The following PTPN2 variants were observed in gnomAD, a reference collection of about 807,000 sequenced individuals.
The protein encoded by PTPN2 is protein tyrosine phosphatase non-receptor type 2, also known as tyrosine-protein phosphatase non-receptor type 2.
A neutral mutation model predicts 57.3 loss-of-function variants in PTPN2; 19 were observed. The observed-to-expected ratio is 0.33, with a 90% confidence interval of 0.23 to 0.49. PTPN2 has a LOEUF of 0.49. PTPN2 is among the 20% of genes least tolerant of loss of function. The pLI, the probability that PTPN2 is intolerant of heterozygous loss-of-function variation, is 0.99. For missense variants in PTPN2, 358 were observed against 501.1 expected, an observed-to-expected ratio of 0.71 and a Z score of 2.73; for synonymous variants, 153 against 164.9, an observed-to-expected ratio of 0.93 and a Z score of 0.55.
chr18:12,870,315 AT>A lies in PTPN2; in HGVS notation c.70-11062del, dbSNP rs1218387326. ...CATATATATGTGTATATATACATAT[AT>A]ATGTGTATATATATGTATATATATA... On this transcript the variant is annotated intron_variant, in intron 1 of 8. Transcript: ENST00000309660. Among the ~76,000 whole-genome samples, 109 of 65,918 alleles carry A rather than the reference AT, an allele frequency of 1.7e-3. 19 individuals are homozygous for A. Among genetic ancestry groups the A allele is most frequent in the African/African-American group, 9.4e-3 (101 of 10,702 alleles). The allele number at this position is 65,918 out of a possible 152,430, so 43.2% of individuals were successfully genotyped here. A position where few individuals can be genotyped will look rare whatever the true frequency, so the allele number is the denominator to read the frequency against.
rs529211478 is a variant in PTPN2, at chr18:12,825,791, C to T, written c.495+19G>A. The T allele has an allele frequency of 1.7e-5, 27 of 1,590,032 alleles. No homozygotes were observed. Among genetic ancestry groups the T allele is most frequent in the African/African-American group, 1.3e-4 (10 of 74,114 alleles). On this transcript the variant is annotated intron_variant, in intron 5 of 8. Coordinates refer to ENST00000309660, the MANE Select transcript of PTPN2 (RefSeq NM_002828.4). ...AACCATCATATAAAGTCCACAATTTCGGGCAAGAAAGGTCTTACATTGATA... is the reference window on the plus strand; with the variant it reads ...AACCATCATATAAAGTCCACAATTTTGGGCAAGAAAGGTCTTACATTGATA...
At chr18:12,790,823 T>C (rs186704566), downstream of PTPN2, among the ~76,000 whole-genome samples, 6 of 152,376 alleles carry the variant, frequency 3.9e-5, no homozygotes, top group African/African-American at 1.4e-4. Context: ...TCTGCTGACA[T>C]ACCATTAAAA....
chr18:12,828,439 T>C (rs2042552998), intron 4 of PTPN2, among the ~76,000 whole-genome samples: 1 of 152,182 alleles, frequency 6.6e-6, no homozygotes, highest in Admixed American at 6.5e-5. Flanking sequence ...ATATTAAAAA[T>C]TGTAAACCAT....
In PTPN2 at chr18:12,793,092, A is replaced by G. The variant is rs2041032332; in HGVS notation, c.*1186T>C. The stretch of plus-strand genomic sequence containing the variant: ...ATAATGTATGCTATCCATGCCTCCT[A>G]GCAATTAAATTTGTAACAACAATTT... On this transcript the variant is annotated 3_prime_UTR_variant, in exon 9 of 9. Transcript: ENST00000309660. The G allele has an allele frequency of 1.0e-6, 1 of 985,112 alleles. No homozygotes were observed. Among genetic ancestry groups the G allele is most frequent in the Admixed American group, 6.1e-5 (1 of 16,270 alleles). 61.0% of individuals were successfully genotyped at this position (985,112 alleles called of 1,614,324 possible).
chr18:12,869,016 G>A (rs569601230), intron 1 of PTPN2: 1 of 152,358 alleles, frequency 6.6e-6, no homozygotes, highest in Non-Finnish European at 1.5e-5. Flanking sequence ...TGGGCATAGT[G>A]GCACGTACCT....
chr18:12,795,795 G>A (rs75268586), intron 8 of PTPN2, among the ~76,000 whole-genome samples: 1,682 of 152,158 alleles, frequency 0.011, 23 homozygotes, highest in African/African-American at 0.039. Context: ...GCAACATATA[G>A]GTTACTATTT....
chr18:12,809,058 G>C (rs188342407), intron 7 of PTPN2, among the ~76,000 whole-genome samples: 1 of 152,164 alleles, frequency 6.6e-6, no homozygotes, highest in Non-Finnish European at 1.5e-5. Flanking sequence ...TAATTTGGTT[G>C]TGTCTATCAG....
intron 1 of PTPN2, among the ~76,000 whole-genome samples, chr18:12,875,356 C>T (rs1056297809): frequency 4.6e-5 from 7 of 150,676 alleles, no homozygotes; most frequent in African/African-American, 1.5e-4. Flanking sequence ...GTTTAGTTTT[C>T]TTCTACTCAG....
intron 2 of PTPN2, among the ~76,000 whole-genome samples, chr18:12,845,615 T>C (rs1051626765): frequency 1.3e-5 from 2 of 152,230 alleles, no homozygotes; most frequent in African/African-American, 4.8e-5. Flanking sequence ...CTACATGTCA[T>C]CTGCTAATAA....
intron 1 of PTPN2, among the ~76,000 whole-genome samples, chr18:12,866,248 C>T (rs2043988125): frequency 6.6e-6 from 1 of 152,018 alleles, no homozygotes; most frequent in African/African-American, 2.4e-5. Context: ...ACCATCCTGG[C>T]TAACACAGTG....
At chr18:12,834,326 C>CAAAAAAAAAAAAAAAAAA (rs11368721) in intron 3 of PTPN2, among the ~76,000 whole-genome samples, 1 of 133,206 alleles carries the variant, frequency 7.5e-6, no homozygotes, top group Admixed American at 7.6e-5. Flanking sequence ...GACTCCATCT[C>CAAAAAAAAAAAAAAAAAA]AAAAAAAAAA....
At chr18:12,871,182 A>G (rs2044258790) in intron 1 of PTPN2, among the ~76,000 whole-genome samples, 1 of 152,196 alleles carries the variant, frequency 6.6e-6, no homozygotes, top group Non-Finnish European at 1.5e-5. Context: ...AATAGTATTC[A>G]TCACTTAGCC....
intron 2 of PTPN2, among the ~76,000 whole-genome samples, chr18:12,856,421 AAAGAAG>A (rs1025526722): frequency 1.3e-5 from 2 of 152,110 alleles, no homozygotes; most frequent in African/African-American, 4.8e-5. Context: ...GGGAGGGGGC[AAAGAAG>A]AAGAAGAGTA....
chr18:12,798,323 A>G (rs945937387), intron 8 of PTPN2, among the ~76,000 whole-genome samples: 1 of 152,162 alleles, frequency 6.6e-6, no homozygotes, highest in Non-Finnish European at 1.5e-5. Flanking sequence ...TGACATGTAC[A>G]ACAAGTTTTG....
chr18:12,855,378 A>C (rs1459829430), intron 2 of PTPN2, among the ~76,000 whole-genome samples: 2 of 152,052 alleles, frequency 1.3e-5, no homozygotes, highest in Admixed American at 6.6e-5. Context: ...AGAGGCTGAA[A>C]ACACACAAAA....
chr18:12,801,961 A>T lies in PTPN2; in HGVS notation c.1040+9T>A, dbSNP rs1312297786. 6.4e-7 allele frequency: 1 copy of T among 1,571,672 alleles called. No homozygotes were observed. Among genetic ancestry groups the T allele is most frequent in the Non-Finnish European group, 8.6e-7 (1 of 1,163,610 alleles). ...CTCATCTTTCAGCCTGTAGTTATAG[A>T]AAGCTTACCTCTCACTGTTCTCCTC... On this transcript the variant is annotated intron_variant, in intron 8 of 8. Transcript: ENST00000309660.
intron 4 of PTPN2, among the ~76,000 whole-genome samples, chr18:12,829,349 AC>A (rs1442346624): frequency 2.0e-5 from 3 of 152,020 alleles, no homozygotes; most frequent in Admixed American, 2.0e-4. Context: ...AACCATCTCT[AC>A]AAAAACTAGC....
intron 5 of PTPN2, among the ~76,000 whole-genome samples, chr18:12,825,341 T>C (rs2042412224): frequency 6.6e-6 from 1 of 152,192 alleles, no homozygotes; most frequent in South Asian, 2.1e-4. Context: ...TGGGAGCTAT[T>C]GCTTGCTGGG....
At chr18:12,796,584 A>C (rs1338319095) in intron 8 of PTPN2, among the ~76,000 whole-genome samples, 1 of 152,218 alleles carries the variant, frequency 6.6e-6, no homozygotes, top group Non-Finnish European at 1.5e-5. Context: ...GCTCCTCAAA[A>C]AGTTAAACAT....
Sources: allele counts gnomAD v4.1 joint callset (sites outside exome capture counted in the v4.1 genomes callset), GRCh38; gene constraint gnomAD v4.1.1; transcripts MANE v1.5; gene names NCBI Gene and HGNC (gene_info 2026-07-23, HGNC 2026-07-21).